The following DOK5 variants were observed in gnomAD, a reference collection of about 807,000 sequenced individuals.
DOK5 encodes the protein downstream of tyrosine kinase 5.
In DOK5, 27 loss-of-function variants were observed where a neutral mutation model predicts 43.3. That is an observed-to-expected ratio of 0.62 (90% CI 0.46 to 0.86). The LOEUF is 0.86. Ranked by LOEUF, DOK5 falls within the 40% of genes least tolerant of loss-of-function variation. The pLI is 0.00. For synonymous variants in DOK5, 146 were observed against 140.1 expected (o/e 1.04, Z -0.30); for missense variants, 373 against 392.9 (o/e 0.95, Z 0.43).
intron 2 of DOK5, among the ~76,000 whole-genome samples, chr20:54,588,171 T>C (rs537240167): frequency 6.6e-6 from 1 of 152,040 alleles, no homozygotes; most frequent in Non-Finnish European, 1.5e-5. Context: ...GTGGAGTCTT[T>C]GGGAGGATTT....
rs57235234 is a variant in DOK5 at position 54,481,172 on chromosome 20, A to C, written c.66+5160A>C. 5.0e-3 allele frequency among the ~76,000 whole-genome samples: 740 copies of C among 148,454 alleles called. 5 individuals are homozygous for C. Among genetic ancestry groups the C allele is most frequent in the African/African-American group, 0.017 (682 of 39,450 alleles). ...TATCTATCTATCTATCTATCTATCT[A>C]TCTATCTATATTTTTTTGGCGGAGT... On this transcript the variant is annotated intron_variant, in intron 1 of 7. Coordinates refer to ENST00000262593, the MANE Select transcript of DOK5 (RefSeq NM_018431.5).
intron 5 of DOK5, among the ~76,000 whole-genome samples, chr20:54,597,573 T>A (rs554660147): frequency 6.6e-6 from 1 of 152,190 alleles, no homozygotes; most frequent in Non-Finnish European, 1.5e-5. Flanking sequence ...CCTCTTAAAA[T>A]GAAACCTGGG....
intron 1 of DOK5, among the ~76,000 whole-genome samples, chr20:54,491,968 AAAAG>A (rs772510601): frequency 2.8e-4 from 43 of 152,222 alleles, no homozygotes; most frequent in South Asian, 1.5e-3. Flanking sequence ...AAGAAAGAGA[AAAAG>A]AAAGAAAGAC....
At chr20:54,536,908 G>T (rs1301086527) in intron 1 of DOK5, among the ~76,000 whole-genome samples, 1 of 152,200 alleles carries the variant, frequency 6.6e-6, no homozygotes, top group Admixed American at 6.5e-5. Flanking sequence ...CCACACCATG[G>T]TGTCTGCGGA....
chr20:54,480,902 C>CTATCT (rs1555822314), intron 1 of DOK5, among the ~76,000 whole-genome samples: 90 of 134,974 alleles, frequency 6.7e-4, no homozygotes, highest in African/African-American at 2.5e-3. Context: ...TTAAGGCCTC[C>CTATCT]ATCTATCTAT....
At chr20:54,593,686 A>C (rs569974636) in intron 5 of DOK5, among the ~76,000 whole-genome samples, 1 of 152,236 alleles carries the variant, frequency 6.6e-6, no homozygotes, top group Non-Finnish European at 1.5e-5. Flanking sequence ...TTATAAAAAC[A>C]CATGCACATG....
Position 54,588,315 on chromosome 20 carries a change from A to G in DOK5, c.175-168A>G, listed in dbSNP as rs1028924496. On this transcript the variant is annotated intron_variant, in intron 2 of 7. Coordinates refer to ENST00000262593, the MANE Select transcript of DOK5 (RefSeq NM_018431.5). ...ACCATCCTTGCGGTGTGTTACAGAT[A>G]ATACTAAACTCACTTAAATACATCT... is the stretch of plus-strand genomic sequence containing the variant. Among the ~76,000 whole-genome samples the G allele has an allele frequency of 2.6e-5, 4 of 152,240 alleles. No homozygotes were observed. The East Asian group carries it at 7.7e-4, about 29-fold the overall frequency.
intron 2 of DOK5, among the ~76,000 whole-genome samples, chr20:54,585,305 C>T (rs73911986): frequency 0.091 from 13,848 of 152,146 alleles, 1,848 homozygotes; most frequent in African/African-American, 0.29. Flanking sequence ...TTCTCCTGAG[C>T]GGGGGTGTTC....
intron 2 of DOK5, among the ~76,000 whole-genome samples, chr20:54,586,915 G>A (rs908299930): frequency 1.3e-5 from 2 of 152,034 alleles, no homozygotes; most frequent in Non-Finnish European, 2.9e-5. Context: ...GGGTCTTGGT[G>A]GTCATTCTAA....
intron 6 of DOK5, among the ~76,000 whole-genome samples, chr20:54,611,772 C>T (rs1444974001): frequency 6.6e-6 from 1 of 152,134 alleles, no homozygotes; most frequent in Non-Finnish European, 1.5e-5. Context: ...TAGTTTGAAA[C>T]TTTATGATTG....
chr20:54,483,858 C>A (rs1981822253), intron 1 of DOK5, among the ~76,000 whole-genome samples: 1 of 152,160 alleles, frequency 6.6e-6, no homozygotes, highest in Non-Finnish European at 1.5e-5. Flanking sequence ...TGGGGGCTGC[C>A]TTTATTTCAC....
chr20:54,592,639 C>T (rs966390786), intron 5 of DOK5, among the ~76,000 whole-genome samples: 2 of 151,388 alleles, frequency 1.3e-5, no homozygotes, highest in Admixed American at 1.3e-4. Context: ...CTCCCGGGTT[C>T]ACGCCATTCT....
chr20:54,581,032 C>A (rs1359176266), intron 2 of DOK5, among the ~76,000 whole-genome samples: 2 of 152,082 alleles, frequency 1.3e-5, no homozygotes, highest in East Asian at 1.9e-4. Context: ...AGTCTCTAAT[C>A]CATTTTGAAT....
chr20:54,612,807 T>C (rs1986691646), intron 6 of DOK5, among the ~76,000 whole-genome samples: 1 of 152,206 alleles, frequency 6.6e-6, no homozygotes, highest in Non-Finnish European at 1.5e-5. Context: ...CATCATACAG[T>C]GTTCAAGATC....
At chr20:54,602,986 T>A (rs530615471) in intron 5 of DOK5, among the ~76,000 whole-genome samples, 3 of 152,332 alleles carry the variant, frequency 2.0e-5, no homozygotes, top group South Asian at 2.1e-4. Context: ...ATGTATTTTT[T>A]AAGTCTGCTT....
chr20:54,620,288 G>T (rs1357573077), intron 6 of DOK5, among the ~76,000 whole-genome samples: 1 of 152,150 alleles, frequency 6.6e-6, no homozygotes, highest in African/African-American at 2.4e-5. Flanking sequence ...GCCCAGGCTG[G>T]AGTGCAGCGG....
intron 1 of DOK5, among the ~76,000 whole-genome samples, chr20:54,493,139 C>T (rs1041025969): frequency 4.0e-5 from 6 of 151,782 alleles, no homozygotes; most frequent in Non-Finnish European, 7.4e-5. Flanking sequence ...AATCTGTTCC[C>T]TTTATGGCAA....
intron 5 of DOK5, among the ~76,000 whole-genome samples, chr20:54,607,403 GGT>G (rs10684906): frequency 0.029 from 4,156 of 145,570 alleles, 68 homozygotes; most frequent in African/African-American, 0.036. Context: ...AGTGGTAAGT[GGT>G]GTGTGTGTGT....
chr20:54,596,441 A>C (rs1449167675), intron 5 of DOK5, among the ~76,000 whole-genome samples: 1 of 152,226 alleles, frequency 6.6e-6, no homozygotes, highest in Non-Finnish European at 1.5e-5. Context: ...CCTCTCTCTT[A>C]GAACTAGAAC....
Sources: gnomAD v4.1 joint callset for allele counts (sites outside exome capture counted in the v4.1 genomes callset) on GRCh38, gnomAD v4.1.1 for gene constraint, MANE v1.5 for transcripts, NCBI Gene and HGNC (gene_info 2026-07-23, HGNC 2026-07-21) for gene names.